Variants in ATP8A1 observed in about 807,000 individuals in gnomAD.
ATP8A1 encodes ATPase phospholipid transporting 8A1.
A neutral mutation model predicts 177.7 loss-of-function variants in ATP8A1; 90 were observed. That is an observed-to-expected ratio of 0.51 (90% CI 0.43 to 0.60). ATP8A1 has a LOEUF of 0.60. Ranked by LOEUF, ATP8A1 falls within the 20% of genes least tolerant of loss-of-function variation. The pLI, the probability that ATP8A1 is intolerant of heterozygous loss-of-function variation, is 0.00. For missense variants in ATP8A1, 1,072 were observed against 1,392.8 expected (o/e 0.77, Z 3.67); for synonymous variants, 493 against 485.9 (o/e 1.01, Z -0.19).
intron 20 of ATP8A1, among the ~76,000 whole-genome samples, chr4:42,539,395 ACC>A (rs59861092): frequency 2.0e-4 from 26 of 130,196 alleles, no homozygotes; most frequent in Middle Eastern, 3.9e-3. Context: ...AAAATAAAAT[ACC>A]CCCCCCCCAA....
At chr4:42,424,298 A>G (rs760600229) in intron 33 of ATP8A1, among the ~76,000 whole-genome samples, 5 of 152,076 alleles carry the variant, frequency 3.3e-5, no homozygotes, top group Non-Finnish European at 7.4e-5. Flanking sequence ...CTGTAATTTA[A>G]AAAGTAATAA....
rs1726521511 is a variant in ATP8A1 at position 42,524,864 on chromosome 4, G to GTT, written c.1723-18_1723-17insAA. 7 of 1,554,042 alleles carry GTT rather than the reference G, an allele frequency of 4.5e-6. No homozygotes were observed. The highest frequency in any genetic ancestry group is 6.2e-6 in the Non-Finnish European group (7 of 1,137,674). ...TACAGTGTCCTGGAAAACAAACAGA[G>GTT]GGTAAAATGATTTAATTAAGCATTC... On this transcript the variant is annotated splice_polypyrimidine_tract_variant and intron_variant, in intron 20 of 36. Transcript: ENST00000381668.
chr4:42,604,548 C>T (rs1735606276), intron 5 of ATP8A1, among the ~76,000 whole-genome samples: 1 of 152,154 alleles, frequency 6.6e-6, no homozygotes, highest in Non-Finnish European at 1.5e-5. Flanking sequence ...AACTCCACTA[C>T]CTAGTAGGGC....
At chr4:42,466,442 G>A (rs1447731225) in intron 25 of ATP8A1, among the ~76,000 whole-genome samples, 3 of 152,118 alleles carry the variant, frequency 2.0e-5, no homozygotes, top group Non-Finnish European at 4.4e-5. Flanking sequence ...GCACAAATAT[G>A]TGCCTTCAGG....
chr4:42,435,456 A>AAAAAAAAAAAAAAAAAAAAAAAC (rs1560320569), intron 33 of ATP8A1, among the ~76,000 whole-genome samples: 1 of 101,072 alleles, frequency 9.9e-6, no homozygotes, highest in African/African-American at 3.2e-5. Context: ...AAAACAAAAA[A>AAAAAAAAAAAAAAAAAAAAAAAC]AAAAAAACAA....
intron 24 of ATP8A1, among the ~76,000 whole-genome samples, chr4:42,493,349 A>C (rs1722919186): frequency 6.6e-6 from 1 of 152,226 alleles, no homozygotes; most frequent in South Asian, 2.1e-4. Flanking sequence ...GGGAAAATTA[A>C]ATGTTATTTT....
At chr4:42,517,072 G>C (rs565489642) in intron 22 of ATP8A1, among the ~76,000 whole-genome samples, 102 of 151,690 alleles carry the variant, frequency 6.7e-4, no homozygotes, top group Non-Finnish European at 1.4e-3. Context: ...AGGCCAAGGG[G>C]GGGTGGATCA....
intron 19 of ATP8A1, among the ~76,000 whole-genome samples, chr4:42,547,435 C>A (rs1452623694): frequency 2.0e-5 from 3 of 152,200 alleles, no homozygotes; most frequent in African/African-American, 7.2e-5. Context: ...CATTCTTAAA[C>A]CCACCTTCAT....
chr4:42,482,334 CAAA>C (rs11445014), intron 25 of ATP8A1, among the ~76,000 whole-genome samples: 74 of 145,076 alleles, frequency 5.1e-4, no homozygotes, highest in South Asian at 2.2e-3. Context: ...AACAAACAAA[CAAA>C]AAAAAAAAAG....
intron 33 of ATP8A1, among the ~76,000 whole-genome samples, chr4:42,426,418 C>A (rs1158940079): frequency 1.3e-5 from 2 of 152,186 alleles, no homozygotes; most frequent in Admixed American, 6.5e-5. Context: ...AAACAGAAGG[C>A]CCTTTGCAGA....
intron 30 of ATP8A1, among the ~76,000 whole-genome samples, chr4:42,451,222 C>G (rs1717896674): frequency 6.6e-6 from 1 of 152,114 alleles, no homozygotes; most frequent in Admixed American, 6.5e-5. Flanking sequence ...TGTTGGCAAC[C>G]ATTAATTGAT....
chr4:42,609,674 T>C lies in ATP8A1; in HGVS notation c.409+6359A>G, dbSNP rs191635145. Among the ~76,000 whole-genome samples, 30 of 152,276 alleles carry C rather than the reference T, an allele frequency of 2.0e-4. No individual in the cohort carries two copies. The East Asian group carries it at 5.2e-3, about 27-fold the overall frequency. On this transcript the variant is annotated intron_variant, in intron 5 of 36. Coordinates refer to ENST00000381668, the MANE Select transcript of ATP8A1 (RefSeq NM_006095.2). ...AGCACTTGGTATTTGACTGGGTTTCTCTCCATTGCCAGGTCCAGTTGAATC... is the reference window on the plus strand; with the variant it reads ...AGCACTTGGTATTTGACTGGGTTTCCCTCCATTGCCAGGTCCAGTTGAATC...
At chr4:42,575,569 C>T (rs2109329387) in intron 13 of ATP8A1, 53 bp downstream of exon 13, 1 of 1,493,216 alleles carries the variant, frequency 6.7e-7, no homozygotes, top group Non-Finnish European at 9.3e-7. Flanking sequence ...GCAGATACCA[C>T]ACCAAATCTA....
At chr4:42,556,114 A>AC in intron 15 of ATP8A1, 74 bp from the exon 16 acceptor site, 14 of 1,076,600 alleles carry the variant, frequency 1.3e-5, no homozygotes, top group Non-Finnish European at 1.9e-5. Context: ...AATGTACTTT[A>AC]TGAGTAAAGT....
Position 42,465,024 on chromosome 4 carries a change from T to C in ATP8A1, c.2377A>G (p.Lys793Glu). 1 of 1,614,230 alleles carries C rather than the reference T, an allele frequency of 6.2e-7. No individual in the cohort carries two copies. The highest frequency in any genetic ancestry group is 8.5e-7 in the Non-Finnish European group (1 of 1,180,024). The change falls in exon 26 of 37, where the codon AAA becomes GAA. Residue 793 changes from lysine (K) to glutamate (E), a missense_variant. Transcript: ENST00000381668. ...EVVEMVKKQVKVVTLAIGDGA... is the reference protein window; with the variant it reads ...EVVEMVKKQVEVVTLAIGDGA... ...TCACCGATTGCAAGCGTTACGACTT[T>C]GACTTGTTTCTTAACCATCTCAACA...
Position 42,437,519 on chromosome 4 carries a change from G to A in ATP8A1, c.3123+6046C>T, listed in dbSNP as rs1462004667. Among the ~76,000 whole-genome samples, 7 of 152,156 alleles carry A rather than the reference G, an allele frequency of 4.6e-5. No homozygotes were observed. The South Asian group carries it at 6.2e-4, about 14-fold the overall frequency. ...CTTATTTAAAGCGACAGCCAAGTTC[G>A]TCACACTAGTTTCTTTTTCCTTTCC... is the stretch of plus-strand genomic sequence containing the variant. On this transcript the variant is annotated intron_variant, in intron 33 of 36. Transcript: ENST00000381668.
In ATP8A1 at chr4:42,443,648, TC is replaced by T; in HGVS notation, c.3039del (p.Ser1014AlafsTer90). 2 of 1,550,110 alleles carry T rather than the reference TC, an allele frequency of 1.3e-6. No homozygotes were observed. Among genetic ancestry groups the T allele is most frequent in the Non-Finnish European group, 1.8e-6 (2 of 1,121,776 alleles). On this transcript the variant is annotated frameshift_variant, in exon 33 of 37. Transcript: ENST00000381668. LOFTEE classifies it high-confidence loss of function. ...WTWFSHIAIW[G>X]SIALWVVFFG... ...AAAAACACCACCCAGAGTGCGATGC[TC>T]CCCCATATCGCTATGTGGCTGAACT... is the stretch of plus-strand genomic sequence containing the variant.
intron 13 of ATP8A1, 140 bp downstream of exon 13, chr4:42,575,482 C>T (rs1185285606): frequency 2.2e-5 from 15 of 667,608 alleles, no homozygotes; most frequent in Non-Finnish European, 3.9e-5. Flanking sequence ...GAGAATTGTT[C>T]ATCATGCACT....
chr4:42,577,058 T>C (rs1172126238), intron 12 of ATP8A1, among the ~76,000 whole-genome samples: 1 of 152,232 alleles, frequency 6.6e-6, no homozygotes, highest in Non-Finnish European at 1.5e-5. Context: ...GTCAGTGTTC[T>C]ATCTGTCAGA....
Sources: allele counts gnomAD v4.1 joint callset (sites outside exome capture counted in the v4.1 genomes callset), GRCh38; gene constraint gnomAD v4.1.1; transcripts MANE v1.5; gene names NCBI Gene and HGNC (gene_info 2026-07-23, HGNC 2026-07-21).